Variants in COBLL1 observed in about 807,000 individuals in gnomAD.
The protein encoded by COBLL1 is cordon-bleu protein-like 1.
A neutral mutation model predicts 94.8 loss-of-function variants in COBLL1; 50 were observed. The observed-to-expected ratio is 0.53, with a 90% confidence interval of 0.42 to 0.67. The LOEUF (loss-of-function observed/expected upper bound fraction) is 0.67, where lower values mean the gene tolerates loss of function less well. COBLL1 is among the 30% of genes least tolerant of loss of function. COBLL1 has a pLI of 0.00. For missense variants in COBLL1, 1,362 were observed against 1,348.7 expected (o/e 1.01, Z -0.15); for synonymous variants, 448 against 473.8 (o/e 0.95, Z 0.71).
At chr2:164,689,436 T>C (rs751618231) in intron 13 of COBLL1, among the ~76,000 whole-genome samples, 4 of 152,088 alleles carry the variant, frequency 2.6e-5, no homozygotes, top group Non-Finnish European at 5.9e-5. Flanking sequence ...AAAACAAATG[T>C]TAGAATTTAA....
chr2:164,783,984 T>A (rs553295365), intron 2 of COBLL1, among the ~76,000 whole-genome samples: 4 of 152,130 alleles, frequency 2.6e-5, no homozygotes, highest in African/African-American at 2.4e-5. Context: ...AGTTAACCCA[T>A]CAAACACTTC....
At position 164,682,623 on chromosome 2, in the gene COBLL1, T is replaced by C. The variant is rs1237545224; in HGVS notation, c.*3323A>G. 2 of 152,196 alleles carry C rather than the reference T, an allele frequency of 1.3e-5. No homozygotes were observed. The highest frequency in any genetic ancestry group is 2.9e-5 in the Non-Finnish European group (2 of 68,034). 9.4% of individuals were successfully genotyped at this position (152,196 alleles called of 1,614,324 possible). A position where few individuals can be genotyped will look rare whatever the true frequency, so the allele number is the denominator to read the frequency against. ...GGAAGAAGGGTCACTCCTCAAAGAATAGGGAGTATATTAGGCAAATAATAC... is the reference window on the plus strand; with the variant it reads ...GGAAGAAGGGTCACTCCTCAAAGAACAGGGAGTATATTAGGCAAATAATAC... On this transcript the variant is annotated 3_prime_UTR_variant, in exon 14 of 14. Transcript: ENST00000652658.
intron 2 of COBLL1, among the ~76,000 whole-genome samples, chr2:164,774,797 T>C (rs1301939079): frequency 2.6e-5 from 4 of 151,476 alleles, no homozygotes; most frequent in African/African-American, 7.3e-5. Flanking sequence ...TGGCTAATAA[T>C]ATTGTACTGT....
intron 1 of COBLL1, among the ~76,000 whole-genome samples, chr2:164,670,864 G>T (rs1204870627): frequency 6.6e-6 from 1 of 152,314 alleles, no homozygotes; most frequent in East Asian, 1.9e-4. Flanking sequence ...GAATGGAGAA[G>T]AAAGAAAAGC....
At chr2:164,699,683 A>T (rs774354185) in intron 10 of COBLL1, among the ~76,000 whole-genome samples, 184 bp from the exon 11 acceptor site, 2 of 152,070 alleles carry the variant, frequency 1.3e-5, no homozygotes, top group Non-Finnish European at 2.9e-5. Context: ...TATAACTGAG[A>T]AGAAATGCTG....
rs1457281935 is a variant in COBLL1 at position 164,841,113 on chromosome 2, C to T, written c.41+43G>A. 1 of 1,228,944 alleles carries T rather than the reference C, an allele frequency of 8.1e-7. No homozygotes were observed. The highest frequency in any genetic ancestry group is 1.0e-6 in the Non-Finnish European group (1 of 986,158). 76.1% of individuals were successfully genotyped at this position (1,228,944 alleles called of 1,614,324 possible). A position where few individuals can be genotyped will look rare whatever the true frequency, so the allele number is the denominator to read the frequency against. On this transcript the variant is annotated intron_variant, in intron 2 of 13. Coordinates refer to ENST00000652658, the MANE Select transcript of COBLL1 (RefSeq NM_001365672.2). The surrounding 1 kb of genome is among the most constrained non-coding windows in gnomAD (Gnocchi z 5.5). The stretch of plus-strand genomic sequence containing the variant: ...CCGAGGCCTCGCTGTCCTCGCCGGC[C>T]TCGCCCTCCCCGGTGAGAGGCGGCG...
rs959856516 is a variant in COBLL1, at chr2:164,734,632, C to T, written c.231-4517G>A. ...GGAGATGGTGGTGTCCTGGACTACT[C>T]AGATTCTAGATACATTTTGTAGGGA... On this transcript the variant is annotated intron_variant, in intron 3 of 13. Coordinates refer to ENST00000652658, the MANE Select transcript of COBLL1 (RefSeq NM_001365672.2). Among the ~76,000 whole-genome samples, 3 of 152,074 alleles carry T rather than the reference C, an allele frequency of 2.0e-5. No individual in the cohort carries two copies. The East Asian group carries it at 5.8e-4, about 29-fold the overall frequency.
intron 7 of COBLL1, among the ~76,000 whole-genome samples, chr2:164,709,403 A>T (rs1378787447): frequency 1.3e-5 from 2 of 152,158 alleles, no homozygotes; most frequent in Non-Finnish European, 2.9e-5. Flanking sequence ...TAAAGCTGAA[A>T]TTTGAATTAA....
Position 164,692,256 on chromosome 2 carries a change from T to A in COBLL1, c.3265A>T (p.Ile1089Phe). The A allele has an allele frequency of 6.2e-7, 1 of 1,612,606 alleles. No homozygotes were observed. Among genetic ancestry groups the A allele is most frequent in the African/African-American group, 1.3e-5 (1 of 74,940 alleles). The change falls in exon 13 of 14, where the codon ATC becomes TTC. Residue 1089 changes from isoleucine to phenylalanine, a missense_variant. Coordinates refer to ENST00000652658, the MANE Select transcript of COBLL1 (RefSeq NM_001365672.2). ...TTGGCAGCAGCCTCTCCCGAACGGA[T>A]TGCAGTCAGCAAACTCTGTCGCATC... ...EQMRQSLLTA[I>F]RSGEAAAKLK...
chr2:164,822,659 C>A (rs1004746454), intron 2 of COBLL1, among the ~76,000 whole-genome samples: 11 of 143,694 alleles, frequency 7.7e-5, no homozygotes, highest in African/African-American at 2.8e-4. Flanking sequence ...GGGAAAATTT[C>A]AATATGGGTA....
At chr2:164,745,581 A>T (rs1380781483) in intron 2 of COBLL1, among the ~76,000 whole-genome samples, 20 of 152,312 alleles carry the variant, frequency 1.3e-4, no homozygotes. Flanking sequence ...GCCCCAAAGG[A>T]TTGACAGGCA....
chr2:164,826,933 T>G (rs1685461690), intron 2 of COBLL1, among the ~76,000 whole-genome samples: 1 of 151,988 alleles, frequency 6.6e-6, no homozygotes, highest in South Asian at 2.1e-4. Context: ...TTGTTTTGTT[T>G]TGTGGGTTTT....
intron 3 of COBLL1, among the ~76,000 whole-genome samples, chr2:164,730,370 T>C (rs1384019714): frequency 6.7e-6 from 1 of 149,960 alleles, no homozygotes; most frequent in Non-Finnish European, 1.5e-5. Flanking sequence ...GGTGGGTGTG[T>C]GCCTGTAGTC....
At chr2:164,764,472 C>T (rs911464491) in intron 2 of COBLL1, among the ~76,000 whole-genome samples, 11 of 152,030 alleles carry the variant, frequency 7.2e-5, no homozygotes, top group African/African-American at 2.7e-4. Flanking sequence ...ACATGATTTT[C>T]TTCTTTCAAA....
chr2:164,744,753 G>A (rs550581020), intron 2 of COBLL1, among the ~76,000 whole-genome samples: 69 of 152,176 alleles, frequency 4.5e-4, no homozygotes, highest in South Asian at 1.2e-3. Flanking sequence ...ACTATGATGG[G>A]TTGTTTGATA....
At chr2:164,740,109 T>G (rs1686511655) in intron 3 of COBLL1, among the ~76,000 whole-genome samples, 2 of 152,188 alleles carry the variant, frequency 1.3e-5, no homozygotes, top group Non-Finnish European at 2.9e-5. Flanking sequence ...GCCTGAATTA[T>G]AAAACTACTG....
rs998028233 is a variant in COBLL1 at position 164,823,584 on chromosome 2, A to T, written c.41+17572T>A. On this transcript the variant is annotated intron_variant, in intron 2 of 13. Transcript: ENST00000652658. ...TGAGCACCAAGGCTATACTTGAATA[A>T]TTGCATACCCCTGAACTAAGTGTAT... is the stretch of plus-strand genomic sequence containing the variant. Among the ~76,000 whole-genome samples, 7 of 152,300 alleles carry T rather than the reference A, an allele frequency of 4.6e-5. No homozygotes were observed. The East Asian group carries it at 1.3e-3, about 29-fold the overall frequency.
intron 2 of COBLL1, among the ~76,000 whole-genome samples, chr2:164,823,340 TTC>T (rs1355422740): frequency 1.3e-5 from 2 of 152,198 alleles, no homozygotes; most frequent in African/African-American, 4.8e-5. Flanking sequence ...GATTCAAGAC[TTC>T]TTTTTCTTCT....
rs914491306 is a variant in COBLL1, at chr2:164,680,416, A to C, written c.*5530T>G. ...ACCCACCAACAGAAATCATCCAAAA[A>C]GTTTCTTCACTATGAACCCTTCAGT... On this transcript the variant is annotated 3_prime_UTR_variant, in exon 14 of 14. Coordinates refer to ENST00000652658, the MANE Select transcript of COBLL1 (RefSeq NM_001365672.2). 9 of 152,110 alleles carry C rather than the reference A, an allele frequency of 5.9e-5. No homozygotes were observed. The highest frequency in any genetic ancestry group is 1.0e-4 in the Non-Finnish European group (7 of 67,998). 9.4% of individuals were successfully genotyped at this position (152,110 alleles called of 1,614,324 possible). A position where few individuals can be genotyped will look rare whatever the true frequency, so the allele number is the denominator to read the frequency against.
Sources: gnomAD v4.1 joint callset for allele counts (sites outside exome capture counted in the v4.1 genomes callset) on GRCh38, gnomAD v4.1.1 for gene constraint, Gnocchi (gnomAD v3.1) non-coding constraint, MANE v1.5 for transcripts, NCBI Gene and HGNC (gene_info 2026-07-23, HGNC 2026-07-21) for gene names.